EFHB: variants seen among roughly 807,000 people sequenced by gnomAD.
The protein encoded by EFHB is EF-hand domain family member B.
Under a neutral mutation model 87.2 loss-of-function variants are expected in EFHB, and 91 were observed. The observed-to-expected ratio is 1.04, with a 90% CI of 0.88 to 1.24. The LOEUF is 1.24. Among genes scored for constraint, EFHB ranks in the 50% most tolerant of loss-of-function variants. The pLI is 0.00. For missense variants in EFHB, 1,084 were observed against 998.8 expected, an observed-to-expected ratio of 1.09 and a Z score of -1.15; for synonymous variants, 325 against 333.6, an observed-to-expected ratio of 0.97 and a Z score of 0.28.
intron 9 of EFHB, among the ~76,000 whole-genome samples, chr3:19,893,451 G>A (rs2125125512): frequency 6.6e-6 from 1 of 152,296 alleles, no homozygotes; most frequent in Non-Finnish European, 1.5e-5. Context: ...TGGCAATAGG[G>A]GGAGCGCAGC....
intron 9 of EFHB, chr3:19,894,472 T>G (rs1694406011): frequency 6.6e-6 from 1 of 152,220 alleles, no homozygotes; most frequent in South Asian, 2.1e-4. Flanking sequence ...CAGAATTAAT[T>G]TCATAAGCCA....
At chr3:19,928,003 T>G (rs1477064062) in intron 1 of EFHB, among the ~76,000 whole-genome samples, 1 of 150,190 alleles carries the variant, frequency 6.7e-6, no homozygotes, top group African/African-American at 2.4e-5. Context: ...ACATAACATA[T>G]AAAGAAAGCA....
At chr3:19,923,781 A>T (rs987964252) in intron 1 of EFHB, among the ~76,000 whole-genome samples, 1 of 152,256 alleles carries the variant, frequency 6.6e-6, no homozygotes, top group Non-Finnish European at 1.5e-5. Context: ...AAATGTAAAT[A>T]AACAAAAGAG....
chr3:19,916,697 G>A (rs1341071414), intron 4 of EFHB, among the ~76,000 whole-genome samples: 6 of 152,086 alleles, frequency 3.9e-5, no homozygotes, highest in Admixed American at 2.0e-4. Flanking sequence ...TTTGTGTACA[G>A]TGAATAATTT....
Position 19,941,195 on chromosome 3 carries a change from A to C in EFHB, c.-31-4861T>G, listed in dbSNP as rs577649749. ...TCCAGGAAAATATCATGAATCTGTG[A>C]CTTGTCTAGTTTGGTGTCTTGAAGG... is the stretch of plus-strand genomic sequence containing the variant. On this transcript the variant is annotated intron_variant, in intron 1 of 14. Coordinates refer to the EFHB transcript ENST00000344838. 1,002 of 360,164 alleles carry C rather than the reference A, an allele frequency of 2.8e-3. 2 individuals are homozygous for C. The highest frequency in any genetic ancestry group is 4.5e-3 in the Non-Finnish European group (845 of 186,360). The allele number at this position is 360,164 out of a possible 1,614,324, so 22.3% of individuals were successfully genotyped here. A position where few individuals can be genotyped will look rare whatever the true frequency, so the allele number is the denominator to read the frequency against.
At chr3:19,916,012 T>C (rs558903614) in intron 4 of EFHB, among the ~76,000 whole-genome samples, 1 of 152,118 alleles carries the variant, frequency 6.6e-6, no homozygotes, top group African/African-American at 2.4e-5. Context: ...AACTGTTTAG[T>C]TGTGGTAAGC....
chr3:19,936,106 T>TA, upstream of EFHB: 2 of 1,327,516 alleles, frequency 1.5e-6, no homozygotes, highest in Non-Finnish European at 1.9e-6. Context: ...AATATTTTTT[T>TA]AAAAGTGTGT....
rs752077622 is a variant in EFHB at position 19,933,494 on chromosome 3, A to G, written c.525T>C (p.Ser175=). ...TGTTGGGTTTCATTAAAACACAGGT[A>G]GACTCTTTTTCCATTTCCTGTCTTG... The part of the protein sequence containing the change: ...MEPRQEMEKE[S]TCVLMKPNTE... Residue 175 remains serine (S), a synonymous_variant, in exon 1 of 13, where the codon TCT becomes TCC. Transcript: ENST00000295824. The G allele has an allele frequency of 3.1e-6, 5 of 1,613,826 alleles. No individual in the cohort carries two copies. The highest frequency in any genetic ancestry group is 4.2e-6 in the Non-Finnish European group (5 of 1,179,894).
chr3:19,937,838 C>T (rs1049395196), upstream of EFHB, among the ~76,000 whole-genome samples: 9 of 152,078 alleles, frequency 5.9e-5, no homozygotes, highest in African/African-American at 2.2e-4. Context: ...ATAGCCCTGA[C>T]CCTGGTACAA....
intron 11 of EFHB, among the ~76,000 whole-genome samples, chr3:19,883,521 T>C (rs1271529991): frequency 6.6e-6 from 1 of 152,210 alleles, no homozygotes; most frequent in African/African-American, 2.4e-5. Flanking sequence ...ATATCACCAA[T>C]ATTCATCATG....
intron 3 of EFHB, 134 bp downstream of exon 3, chr3:19,919,699 G>T (rs1295413268): frequency 6.7e-6 from 6 of 891,632 alleles, no homozygotes; most frequent in Non-Finnish European, 1.0e-5. Flanking sequence ...GCTTTTGGAA[G>T]ACAGATTGAG....
At chr3:19,931,291 CTCTT>C (rs769745486) in intron 1 of EFHB, among the ~76,000 whole-genome samples, 2 of 152,218 alleles carry the variant, frequency 1.3e-5, no homozygotes, top group Non-Finnish European at 2.9e-5. Context: ...CCTTGACACT[CTCTT>C]TCTTGTCCTA....
At chr3:19,897,667 T>C (rs1412083313) in intron 8 of EFHB, among the ~76,000 whole-genome samples, 1 of 152,214 alleles carries the variant, frequency 6.6e-6, no homozygotes, top group Non-Finnish European at 1.5e-5. Context: ...AGCATGAAGC[T>C]TGCCCTCAAA....
intron 5 of EFHB, among the ~76,000 whole-genome samples, chr3:19,907,211 C>T (rs1694869949): frequency 6.6e-6 from 1 of 152,106 alleles, no homozygotes; most frequent in Admixed American, 6.6e-5. Flanking sequence ...TAAAAACCTT[C>T]TGCATAGCAA....
chr3:19,879,684 C>G lies in EFHB; in HGVS notation c.2449G>C (p.Val817Leu). ...TCTGCATGCCGTAGCTCATCTAGAA[C>G]ATTTCTGATGTTCTCAACACAAACT... ...GEVCVENIRNVLDELRHADRI... is the reference protein window; with the variant it reads ...GEVCVENIRNLLDELRHADRI... The change falls in exon 13 of 13, where the codon GTT becomes CTT. Residue 817 changes from valine (V) to leucine (L), a missense_variant. Physicochemically the swap from Val to Leu is conservative, Grantham distance 32. Transcript: ENST00000295824. 2 of 1,608,736 alleles carry G rather than the reference C, an allele frequency of 1.2e-6. No homozygotes were observed. Among genetic ancestry groups the G allele is most frequent in the Non-Finnish European group, 1.7e-6 (2 of 1,178,558 alleles).
Position 19,899,483 on chromosome 3 carries a change from G to C in EFHB, c.1451C>G (p.Ala484Gly). The C allele has an allele frequency of 6.2e-7, 1 of 1,606,776 alleles. No individual in the cohort carries two copies. Among genetic ancestry groups the C allele is most frequent in the Non-Finnish European group, 8.5e-7 (1 of 1,177,444 alleles). ...KRGAKFVSKR[A>G]DDFKEKFQHK... ...TTGAAACTTTTCTTTGAAATCATCT[G>C]CTCTTTTGGATACAAACTTAGCTCC... is the stretch of plus-strand genomic sequence containing the variant. Residue 484 changes from alanine (A) to glycine (G), a missense_variant, in exon 7 of 13, where the codon GCA becomes GGA. By Grantham distance (60) the Ala-to-Gly change is moderately conservative. Coordinates refer to ENST00000295824, the MANE Select transcript of EFHB (RefSeq NM_144715.4).
Position 19,933,362 on chromosome 3 carries a change from G to A in EFHB, c.657C>T (p.Pro219=), listed in dbSNP as rs772990498. 5.6e-6 allele frequency: 9 copies of A among 1,613,814 alleles called. No individual in the cohort carries two copies. Among genetic ancestry groups the A allele is most frequent in the Non-Finnish European group, 7.6e-6 (9 of 1,179,894 alleles). The part of the protein sequence containing the change: ...EPQMGLVIEP[P]QCQFAQQHEQ... ...CATGTTGTTGGGCAAACTGGCATTG[G>A]GGAGGTTCTATCACCAAGCCCATTT... is the stretch of plus-strand genomic sequence containing the variant. The change falls in exon 1 of 13, where the codon CCC becomes CCT. Residue 219 remains proline (P), a synonymous_variant. Coordinates refer to ENST00000295824, the MANE Select transcript of EFHB (RefSeq NM_144715.4).
intron 1 of EFHB, among the ~76,000 whole-genome samples, chr3:19,926,062 T>G (rs527570072): frequency 9.5e-4 from 145 of 152,308 alleles, no homozygotes; most frequent in African/African-American, 3.1e-3. Flanking sequence ...ACCTGGTATT[T>G]TCTCCAATAC....
chr3:19,932,392 C>T (rs1047583468), intron 1 of EFHB, among the ~76,000 whole-genome samples: 1 of 152,136 alleles, frequency 6.6e-6, no homozygotes, highest in African/African-American at 2.4e-5. Flanking sequence ...ATATTCTGGG[C>T]CTTTAGATGT....
Sources: allele counts gnomAD v4.1 joint callset (sites outside exome capture counted in the v4.1 genomes callset), GRCh38; gene constraint gnomAD v4.1.1; transcripts MANE v1.5; gene names NCBI Gene and HGNC (gene_info 2026-07-23, HGNC 2026-07-21).